The following SLC2A14 variants were observed in gnomAD, a reference collection of about 807,000 sequenced individuals.
The protein encoded by SLC2A14 is solute carrier family 2, facilitated glucose transporter member 14.
Under a neutral mutation model 43.0 loss-of-function variants are expected in SLC2A14, and 13 were observed. The observed-to-expected ratio is 0.30, with a 90% CI of 0.20 to 0.48. SLC2A14 has a LOEUF of 0.48. SLC2A14 is among the 20% of genes least tolerant of loss of function. SLC2A14 has a pLI of 0.99. For synonymous variants in SLC2A14, 190 were observed against 233.8 expected (o/e 0.81, Z 1.71); for missense variants, 428 against 620.4 (o/e 0.69, Z 3.29).
At chr12:7,841,382 T>G (rs1490562206) in intron 2 of SLC2A14, among the ~76,000 whole-genome samples, 1 of 152,110 alleles carries the variant, frequency 6.6e-6, no homozygotes, top group African/African-American at 2.4e-5. Flanking sequence ...TGCCTCAGCC[T>G]CCCAAGCAGC....
intron 1 of SLC2A14, among the ~76,000 whole-genome samples, chr12:7,878,749 T>C (rs907872255): frequency 2.0e-5 from 3 of 151,258 alleles, no homozygotes; most frequent in South Asian, 2.1e-4. Flanking sequence ...GAGGCCAAGG[T>C]GGGCGGATCA....
At chr12:7,835,151 C>T (rs2120812229) in intron 2 of SLC2A14, among the ~76,000 whole-genome samples, 1 of 147,128 alleles carries the variant, frequency 6.8e-6, no homozygotes, top group East Asian at 2.0e-4. Context: ...AATTTCAAAA[C>T]AGAGTAAGTT....
chr12:7,826,495 A>G (rs1418381564), intron 7 of SLC2A14, among the ~76,000 whole-genome samples: 6 of 152,162 alleles, frequency 3.9e-5, no homozygotes, highest in Non-Finnish European at 8.8e-5. Flanking sequence ...AAGTTTTGCA[A>G]AATGCTTTGT....
chr12:7,836,223 C>CTTT lies in SLC2A14; in HGVS notation c.19-3412_19-3410dup, dbSNP rs71038784. Among the ~76,000 whole-genome samples the CTTT allele has an allele frequency of 1.3e-4, 19 of 148,354 alleles. 4 individuals are homozygous for CTTT. Among genetic ancestry groups the CTTT allele is most frequent in the East Asian group, 4.0e-4 (2 of 4,966 alleles). ...AATATAATGTGAGCCACAGATATAA[C>CTTT]TTTTTTTTTTTTTTTGAGACGCAGT... On this transcript the variant is annotated intron_variant, in intron 2 of 10. Transcript: ENST00000431042.
chr12:7,869,909 T>G lies in SLC2A14; in HGVS notation c.-29A>C. The G allele has an allele frequency of 6.5e-7, 1 of 1,529,054 alleles. No individual in the cohort carries two copies. The highest frequency in any genetic ancestry group is 1.2e-5 in the South Asian group (1 of 83,646). 94.7% of individuals were successfully genotyped at this position (1,529,054 alleles called of 1,614,324 possible). A position where few individuals can be genotyped will look rare whatever the true frequency, so the allele number is the denominator to read the frequency against. On this transcript the variant is annotated 5_prime_UTR_variant, in exon 2 of 11. Coordinates refer to ENST00000431042, the MANE Select transcript of SLC2A14 (RefSeq NM_001286234.2). ...TCTGCTATCCTAGGAATTGACTCCCTCTCCAATTTCTCTTCAAGGTACTGC... is the reference window on the plus strand; with the variant it reads ...TCTGCTATCCTAGGAATTGACTCCCGCTCCAATTTCTCTTCAAGGTACTGC...
intron 2 of SLC2A14, among the ~76,000 whole-genome samples, chr12:7,843,698 C>T (rs756092412): frequency 2.2e-3 from 325 of 146,218 alleles, no homozygotes; most frequent in Admixed American, 3.2e-3. Context: ...TAAACCTGGC[C>T]GTCTTCCTGA....
At chr12:7,882,682 C>T (rs1402360885) in intron 1 of SLC2A14, among the ~76,000 whole-genome samples, 4 of 151,992 alleles carry the variant, frequency 2.6e-5, no homozygotes, top group African/African-American at 7.2e-5. Flanking sequence ...ACTAAAAATA[C>T]GAAAGTTAGT....
chr12:7,869,343 T>C (rs903857472), intron 2 of SLC2A14, among the ~76,000 whole-genome samples: 7 of 152,148 alleles, frequency 4.6e-5, no homozygotes, highest in African/African-American at 1.7e-4. Flanking sequence ...CACCAGATGC[T>C]GCCTATCCTA....
intron 1 of SLC2A14, among the ~76,000 whole-genome samples, chr12:7,878,902 G>T (rs1328923069): frequency 6.8e-6 from 1 of 146,760 alleles, no homozygotes; most frequent in Non-Finnish European, 1.5e-5. Context: ...ACTTGAACCA[G>T]GGAGTCGGAG....
intron 1 of SLC2A14, among the ~76,000 whole-genome samples, chr12:7,878,583 A>G (rs1945504894): frequency 6.6e-6 from 1 of 152,006 alleles, no homozygotes; most frequent in Admixed American, 6.6e-5. Context: ...TTAGATGGTT[A>G]AAGTATATAC....
chr12:7,887,682 A>G (rs746627838), intron 1 of SLC2A14, among the ~76,000 whole-genome samples: 33 of 152,160 alleles, frequency 2.2e-4, no homozygotes, highest in Non-Finnish European at 2.6e-4. Flanking sequence ...TTTGGCATGT[A>G]TGTCAATCCA....
chr12:7,856,839 ATT>A (rs200793187), intron 2 of SLC2A14, among the ~76,000 whole-genome samples: 258 of 146,230 alleles, frequency 1.8e-3, no homozygotes, highest in African/African-American at 4.8e-3. Context: ...ATGAATGCTA[ATT>A]TTTTTTTTTT....
chr12:7,866,367 T>C (rs1944910294), intron 2 of SLC2A14, among the ~76,000 whole-genome samples: 1 of 152,014 alleles, frequency 6.6e-6, no homozygotes, highest in Admixed American at 6.6e-5. Flanking sequence ...TTTAATTTTT[T>C]CTTTTTACTT....
intron 2 of SLC2A14, among the ~76,000 whole-genome samples, chr12:7,866,523 C>A (rs529899821): frequency 2.0e-5 from 3 of 152,074 alleles, no homozygotes; most frequent in Admixed American, 1.3e-4. Context: ...TGCCACCACG[C>A]CCAGCTAATT....
At chr12:7,873,495 A>AG (rs1025901403), upstream of SLC2A14, 18 of 333,044 alleles carry the variant, frequency 5.4e-5, no homozygotes, top group Admixed American at 7.8e-4. Flanking sequence ...TAACAAAATT[A>AG]GGGGGCTTGG....
In SLC2A14 at chr12:7,815,881, T is replaced by TG. The variant is rs755271072; in HGVS notation, c.1276-1348dup. Among the ~76,000 whole-genome samples the TG allele has an allele frequency of 6.8e-5, 7 of 102,524 alleles. No individual in the cohort carries two copies. The South Asian group carries it at 1.3e-3, about 19-fold the overall frequency. 67.3% of individuals were successfully genotyped at this position (102,524 alleles called of 152,430 possible). On this transcript the variant is annotated intron_variant, in intron 10 of 10. Coordinates refer to ENST00000431042, the MANE Select transcript of SLC2A14 (RefSeq NM_001286234.2). ...GTGAGCCACCGTGCCTGGCCAGTTT[T>TG]GTTTTTTTTTGTTTTTTTGTTTTTG... is the stretch of plus-strand genomic sequence containing the variant.
At chr12:7,817,799 C>T (rs768695600) in intron 10 of SLC2A14, 32 bp downstream of exon 10, 3 of 1,390,400 alleles carry the variant, frequency 2.2e-6, no homozygotes, top group Admixed American at 1.8e-5. Context: ...TAGATAGATA[C>T]ATAGATACAT....
intron 1 of SLC2A14, chr12:7,871,497 C>T (rs1405648728): frequency 6.1e-6 from 1 of 164,210 alleles, no homozygotes; most frequent in Non-Finnish European, 1.3e-5. Flanking sequence ...CCTTTGAGGG[C>T]TTCGGGTCCC....
chr12:7,879,326 AC>A (rs112842514), intron 1 of SLC2A14, among the ~76,000 whole-genome samples: 56,971 of 116,060 alleles, frequency 0.49, 12,013 homozygotes, highest in Admixed American at 0.64. Context: ...AAAACAAACA[AC>A]AACAAAAAAA....
Sources: gnomAD v4.1 joint callset for allele counts (sites outside exome capture counted in the v4.1 genomes callset) on GRCh38, gnomAD v4.1.1 for gene constraint, MANE v1.5 for transcripts, NCBI Gene and HGNC (gene_info 2026-07-23, HGNC 2026-07-21) for gene names.